CDH7: variants seen among roughly 807,000 people sequenced by gnomAD.
The protein encoded by CDH7 is cadherin 7, also known as cadherin-7.
CDH7 carries 25 observed loss-of-function variants against 71.8 expected under a neutral mutation model. The ratio of observed to expected loss-of-function variants is 0.35; its 90% CI spans 0.25 to 0.49. The LOEUF (loss-of-function observed/expected upper bound fraction) is 0.49. Ranked by LOEUF, CDH7 falls within the 20% of genes least tolerant of loss-of-function variation. The probability of loss-of-function intolerance (pLI) is 0.99; values close to 1 mark genes in which losing one functional copy is unlikely to be tolerated. For missense variants in CDH7, 862 were observed against 974.6 expected (o/e 0.88, Z 1.54); for synonymous variants, 381 against 363.8 (o/e 1.05, Z -0.54).
chr18:65,841,874 G>A (rs993218602), intron 6 of CDH7, among the ~76,000 whole-genome samples: 9 of 151,964 alleles, frequency 5.9e-5, no homozygotes, highest in Admixed American at 3.9e-4. Context: ...GGACAAGACC[G>A]ACTCTTAGAT....
chr18:65,771,818 AAG>A (rs561681409), intron 2 of CDH7, among the ~76,000 whole-genome samples: 1 of 152,168 alleles, frequency 6.6e-6, no homozygotes, highest in Non-Finnish European at 1.5e-5. Flanking sequence ...AACGAAAAAA[AAG>A]AGAGAGCCAA....
At chr18:65,820,814 A>T (rs78166853) in intron 4 of CDH7, among the ~76,000 whole-genome samples, 2,440 of 152,276 alleles carry the variant, frequency 0.016, 53 homozygotes, top group African/African-American at 0.055. Flanking sequence ...CCACAAAGCA[A>T]ACCCATGAGA....
At chr18:65,806,790 G>A (rs1279275021) in intron 2 of CDH7, among the ~76,000 whole-genome samples, 1 of 152,144 alleles carries the variant, frequency 6.6e-6, no homozygotes, top group South Asian at 2.1e-4. Flanking sequence ...TCATCAAGGA[G>A]AGAGGAGTTT....
rs758344924 is a variant in CDH7 at position 65,880,401 on chromosome 18, T to G, written c.1865T>G (p.Val622Gly). Residue 622 changes from valine (V) to glycine (G), a missense_variant and splice_region_variant, in exon 12 of 12, where the codon GTG becomes GGG. By Grantham distance (109) the Val-to-Gly change is moderately radical. Transcript: ENST00000397968. ...TTCTCTTCCTGTCTTATTGTTTCAG[T>G]GTTGATCCTCCTTATCGTCACTATG... ...AILACVLTLL[V>G]LILLIVTMRR... 3.0e-5 allele frequency: 46 copies of G among 1,533,208 alleles called. No individual in the cohort carries two copies. The highest frequency in any genetic ancestry group is 3.9e-5 in the Non-Finnish European group (45 of 1,146,806). 95.0% of individuals were successfully genotyped at this position (1,533,208 alleles called of 1,614,324 possible). A position where few individuals can be genotyped will look rare whatever the true frequency, so the allele number is the denominator to read the frequency against.
chr18:65,768,595 A>G lies in CDH7; in HGVS notation c.210+5543A>G, dbSNP rs151240578. Among the ~76,000 whole-genome samples the G allele has an allele frequency of 2.0e-3, 312 of 152,274 alleles. 2 individuals are homozygous for G. The highest frequency in any genetic ancestry group is 0.01 in the Middle Eastern group (3 of 294). ...AAACGATGATTGAGTTTTTTTCTCT[A>G]CAAAGTGCGCTGTAATTGTTTGGAC... On this transcript the variant is annotated intron_variant, in intron 2 of 11. Transcript: ENST00000397968.
At position 65,859,208 on chromosome 18, in the gene CDH7, C is replaced by A. The variant is rs117028776; in HGVS notation, c.1494+162C>A. ...TAGCATGAACTAATATTAAAGGAAC[C>A]TTCAAATTCCAGTTTAATTGGGGTG... On this transcript the variant is annotated intron_variant, in intron 9 of 11. Coordinates refer to ENST00000397968, the MANE Select transcript of CDH7 (RefSeq NM_004361.5). Among the ~76,000 whole-genome samples, 971 of 152,206 alleles carry A rather than the reference C, an allele frequency of 6.4e-3. 6 individuals carry two copies. Among genetic ancestry groups the A allele is most frequent in the Admixed American group, 0.014 (219 of 15,280 alleles).
At chr18:65,795,461 G>A (rs1357392044) in intron 2 of CDH7, among the ~76,000 whole-genome samples, 2 of 152,088 alleles carry the variant, frequency 1.3e-5, no homozygotes, top group African/African-American at 4.8e-5. Flanking sequence ...CAGTACTGCT[G>A]CAAGGAGTTT....
intron 5 of CDH7, among the ~76,000 whole-genome samples, chr18:65,824,075 C>T (rs1318804727): frequency 6.6e-6 from 1 of 150,850 alleles, no homozygotes; most frequent in Admixed American, 6.6e-5. Flanking sequence ...TCTAGGCTCC[C>T]AGACCATTGT....
intron 6 of CDH7, among the ~76,000 whole-genome samples, chr18:65,838,100 T>G (rs905214452): frequency 6.6e-6 from 1 of 151,998 alleles, no homozygotes; most frequent in East Asian, 1.9e-4. Flanking sequence ...AACTTTTGTA[T>G]TTTTAGTAGA....
intron 9 of CDH7, 24 bp downstream of exon 9, chr18:65,859,070 C>A: frequency 6.2e-7 from 1 of 1,606,046 alleles, no homozygotes; most frequent in Non-Finnish European, 8.5e-7. Context: ...GAACACTTTG[C>A]TTCTAATTTG....
At chr18:65,789,526 T>A (rs182484981) in intron 2 of CDH7, among the ~76,000 whole-genome samples, 1 of 152,206 alleles carries the variant, frequency 6.6e-6, no homozygotes, top group East Asian at 1.9e-4. Flanking sequence ...TGAGCCAATT[T>A]GCATTTTAGA....
intron 4 of CDH7, among the ~76,000 whole-genome samples, chr18:65,815,963 T>C (rs1350102671): frequency 2.0e-5 from 3 of 152,140 alleles, no homozygotes; most frequent in African/African-American, 7.2e-5. Flanking sequence ...ATAGCATGTA[T>C]TAAGTCCAAG....
intron 2 of CDH7, among the ~76,000 whole-genome samples, chr18:65,791,116 G>A (rs1242558267): frequency 6.6e-6 from 1 of 152,120 alleles, no homozygotes; most frequent in Non-Finnish European, 1.5e-5. Context: ...TAAAATATTT[G>A]AAGAATGATT....
At chr18:65,849,121 T>C (rs1367727029) in intron 7 of CDH7, among the ~76,000 whole-genome samples, 1 of 152,134 alleles carries the variant, frequency 6.6e-6, no homozygotes, top group Non-Finnish European at 1.5e-5. Context: ...ACTTAAAAAG[T>C]AGCAGATATT....
intron 2 of CDH7, among the ~76,000 whole-genome samples, chr18:65,783,475 T>A (rs1910387903): frequency 2.6e-5 from 4 of 152,226 alleles, no homozygotes; most frequent in African/African-American, 4.8e-5. Context: ...AACAGCCATG[T>A]CTCTTGTAGA....
intron 6 of CDH7, among the ~76,000 whole-genome samples, chr18:65,833,652 G>T (rs964760650): frequency 3.9e-5 from 6 of 152,136 alleles, no homozygotes; most frequent in Admixed American, 3.9e-4. Flanking sequence ...ATCATTATGT[G>T]TATGTGTTTG....
At chr18:65,794,454 A>T (rs1480855500) in intron 2 of CDH7, among the ~76,000 whole-genome samples, 1 of 152,072 alleles carries the variant, frequency 6.6e-6, no homozygotes, top group Non-Finnish European at 1.5e-5. Context: ...AATCTATGTG[A>T]GAAATAAAAC....
At chr18:65,771,679 A>G (rs1916547204) in intron 2 of CDH7, among the ~76,000 whole-genome samples, 1 of 150,510 alleles carries the variant, frequency 6.6e-6, no homozygotes, top group South Asian at 2.1e-4. Context: ...CTGCCTCAAA[A>G]GAAAAAAAAA....
At chr18:65,880,377 T>C (rs754085100) in intron 11 of CDH7, 24 bp from the exon 12 acceptor site, 6 of 1,517,268 alleles carry the variant, frequency 4.0e-6, no homozygotes, top group Non-Finnish European at 5.3e-6. Context: ...ACTGAAACTT[T>C]CTCTTCCTGT....
Sources: allele counts gnomAD v4.1 joint callset (sites outside exome capture counted in the v4.1 genomes callset), GRCh38; gene constraint gnomAD v4.1.1; transcripts MANE v1.5; gene names NCBI Gene and HGNC (gene_info 2026-07-23, HGNC 2026-07-21).